BCL2L1: variants seen among roughly 807,000 people sequenced by gnomAD.
BCL2L1 encodes bcl-2-like protein 1.
A neutral mutation model predicts 18.7 loss-of-function variants in BCL2L1; 1 was observed. The ratio of observed to expected loss-of-function variants is 0.05; its 90% CI spans 0.02 to 0.25. The LOEUF (loss-of-function observed/expected upper bound fraction) is 0.25. Among genes scored for constraint, BCL2L1 ranks in the 10% least tolerant of loss-of-function variants. The pLI, the probability that BCL2L1 is intolerant of heterozygous loss-of-function variation, is 1.00. For synonymous variants in BCL2L1, 103 were observed against 122.7 expected, an observed-to-expected ratio of 0.84 and a Z score of 1.06; for missense variants, 207 against 304.9, an observed-to-expected ratio of 0.68 and a Z score of 2.39.
rs2122876113 is a variant in BCL2L1, at chr20:31,721,941, G to A, written c.278C>T (p.Ala93Val). The A allele has an allele frequency of 6.2e-7, 1 of 1,614,178 alleles. No individual in the cohort carries two copies. Among genetic ancestry groups the A allele is most frequent in the Non-Finnish European group, 8.5e-7 (1 of 1,180,020 alleles). Reference protein sequence around the residue: ...MAAVKQALREAGDEFELRYRR... With the variant: ...MAAVKQALREVGDEFELRYRR... ...GTACCGCAGTTCAAACTCGTCGCCT[G>A]CCTCCCTCAGCGCTTGCTTTACTGC... Residue 93 changes from alanine to valine, a missense_variant, in exon 2 of 3, where the codon GCA becomes GTA. By Grantham distance (64) the Ala-to-Val change is moderately conservative. Transcript: ENST00000307677.
At chr20:31,718,727 C>CT (rs988087046) in intron 2 of BCL2L1, among the ~76,000 whole-genome samples, 29 of 152,102 alleles carry the variant, frequency 1.9e-4, no homozygotes. Flanking sequence ...CACTTGAAAC[C>CT]TGCCATGTCT....
At chr20:31,720,450 G>A in intron 2 of BCL2L1, 2 of 805,680 alleles carry the variant, frequency 2.5e-6, no homozygotes, top group Non-Finnish European at 1.5e-6. Context: ...CATAAAACCT[G>A]CACCTCCGCT....
intron 2 of BCL2L1, among the ~76,000 whole-genome samples, chr20:31,713,784 A>AT (rs1310131222): frequency 1.8e-4 from 27 of 152,362 alleles, no homozygotes; most frequent in African/African-American, 6.3e-4. Flanking sequence ...AAAAGGTGGC[A>AT]TTACTATAGC....
intron 2 of BCL2L1, among the ~76,000 whole-genome samples, chr20:31,679,669 A>G (rs1221112170): frequency 6.6e-6 from 1 of 152,172 alleles, no homozygotes; most frequent in Non-Finnish European, 1.5e-5. Flanking sequence ...TATTATCGTT[A>G]TTAATTGAGA....
intron 2 of BCL2L1, among the ~76,000 whole-genome samples, chr20:31,690,434 A>G (rs375406636): frequency 2.0e-5 from 3 of 152,192 alleles, no homozygotes; most frequent in Non-Finnish European, 2.9e-5. Flanking sequence ...CATGTACAAA[A>G]GTAGACAGAA....
chr20:31,689,808 G>A (rs2061029639), intron 2 of BCL2L1, among the ~76,000 whole-genome samples: 1 of 152,246 alleles, frequency 6.6e-6, no homozygotes, highest in Non-Finnish European at 1.5e-5. Context: ...TTGAGGTTGG[G>A]AGTTCAAGAC....
chr20:31,722,274 C>G lies in BCL2L1; in HGVS notation c.-56G>C. ...ATTGTCCAAAACACCTGCTCACTCA[C>G]TGAGTCTCGTCTCTGGTTAGTGATT... On this transcript the variant is annotated 5_prime_UTR_variant, in exon 2 of 3. Coordinates refer to ENST00000307677, the MANE Select transcript of BCL2L1 (RefSeq NM_138578.3). 7.8e-7 allele frequency: 1 copy of G among 1,279,782 alleles called. No homozygotes were observed. Among genetic ancestry groups the G allele is most frequent in the Non-Finnish European group, 1.0e-6 (1 of 959,176 alleles). 79.3% of individuals were successfully genotyped at this position (1,279,782 alleles called of 1,614,324 possible).
At chr20:31,723,473 C>T, upstream of BCL2L1, 4 of 985,306 alleles carry the variant, frequency 4.1e-6, no homozygotes, top group Non-Finnish European at 4.8e-6. Context: ...GGCTGCACCT[C>T]TCCGGAGCCC....
intron 2 of BCL2L1, among the ~76,000 whole-genome samples, chr20:31,713,089 GGTTA>G (rs1285766438): frequency 6.6e-6 from 1 of 152,038 alleles, no homozygotes; most frequent in African/African-American, 2.4e-5. Flanking sequence ...GGGAACTCAG[GGTTA>G]ATGGATGACA....
chr20:31,710,823 A>G (rs967454894), intron 2 of BCL2L1, among the ~76,000 whole-genome samples: 4 of 152,204 alleles, frequency 2.6e-5, no homozygotes, highest in African/African-American at 9.6e-5. Flanking sequence ...AGGGGCAGAA[A>G]CTTTTTTTGT....
upstream of BCL2L1, chr20:31,723,236 G>A: frequency 2.1e-6 from 2 of 971,648 alleles, no homozygotes; most frequent in Non-Finnish European, 2.4e-6. Context: ...TTCCCCAAAG[G>A]CCCAGAACGT....
intron 2 of BCL2L1, among the ~76,000 whole-genome samples, chr20:31,674,117 G>A (rs538575846): frequency 1.3e-5 from 2 of 152,300 alleles, no homozygotes; most frequent in African/African-American, 4.8e-5. Context: ...ATCCAAGATA[G>A]TACTTCATTC....
At chr20:31,692,255 G>A (rs1353323851) in intron 2 of BCL2L1, among the ~76,000 whole-genome samples, 1 of 152,236 alleles carries the variant, frequency 6.6e-6, no homozygotes, top group East Asian at 1.9e-4. Flanking sequence ...GCATGTGCAG[G>A]AGACACAAAC....
At position 31,666,051 on chromosome 20, in the gene BCL2L1, T is replaced by G. The variant is rs375110827; in HGVS notation, c.600A>C (p.Ala200=). The change falls in exon 3 of 3, where the codon GCA becomes GCC. Residue 200 remains alanine, a synonymous_variant. Coordinates refer to ENST00000307677, the MANE Select transcript of BCL2L1 (RefSeq NM_138578.3). ...GTTCCTGGCCCTTTCGGCTCTCGGC[T>G]GCTGCATTGTTCCCATAGAGTTCCA... ...TFVELYGNNA[A]AESRKGQERF... is the part of the protein sequence containing the mutation. 9 of 1,614,150 alleles carry G rather than the reference T, an allele frequency of 5.6e-6. No individual in the cohort carries two copies. Among genetic ancestry groups the G allele is most frequent in the Non-Finnish European group, 7.6e-6 (9 of 1,180,030 alleles).
rs968611205 is a variant in BCL2L1 at position 31,690,408 on chromosome 20, TATG to T, written c.565-24325_565-24323del. 7.4e-4 allele frequency among the ~76,000 whole-genome samples: 113 copies of T among 152,266 alleles called. 2 individuals are homozygous for T. Among genetic ancestry groups the T allele is most frequent in the African/African-American group, 2.5e-3 (104 of 41,556 alleles). ...ACCTGGCCAATTTTAAACTTATTCT[TATG>T]ATAATATTTAATCATGTACAAAAGT... is the stretch of plus-strand genomic sequence containing the variant. On this transcript the variant is annotated intron_variant, in intron 2 of 2. Coordinates refer to ENST00000307677, the MANE Select transcript of BCL2L1 (RefSeq NM_138578.3).
chr20:31,696,819 G>A (rs970494204), intron 2 of BCL2L1, among the ~76,000 whole-genome samples: 1 of 152,128 alleles, frequency 6.6e-6, no homozygotes, highest in African/African-American at 2.4e-5. Flanking sequence ...ACTTTGGGAA[G>A]CCGAGGCGGG....
chr20:31,673,229 C>T (rs1220046966), intron 2 of BCL2L1, among the ~76,000 whole-genome samples: 8 of 152,052 alleles, frequency 5.3e-5, no homozygotes, highest in Admixed American at 1.3e-4. Context: ...CCCGCCACCA[C>T]ACCTGGCTAA....
At chr20:31,669,236 T>A (rs968709868) in intron 2 of BCL2L1, among the ~76,000 whole-genome samples, 2 of 151,564 alleles carry the variant, frequency 1.3e-5, no homozygotes, top group African/African-American at 4.9e-5. Flanking sequence ...ATTTCTAAAT[T>A]TTTTGTAGAG....
chr20:31,720,829 T>C (rs1224444600), intron 2 of BCL2L1: 1 of 985,310 alleles, frequency 1.0e-6, no homozygotes, highest in African/African-American at 1.7e-5. Flanking sequence ...AAGACTAGGT[T>C]CTTGCTTTGC....
Sources: gnomAD v4.1 joint callset for allele counts (sites outside exome capture counted in the v4.1 genomes callset) on GRCh38, gnomAD v4.1.1 for gene constraint, MANE v1.5 for transcripts, NCBI Gene and HGNC (gene_info 2026-07-23, HGNC 2026-07-21) for gene names.